Variants in RIPOR1 observed in about 807,000 individuals in gnomAD.
The protein encoded by RIPOR1 is rho family-interacting cell polarization regulator 1.
Under a neutral mutation model 116.5 loss-of-function variants are expected in RIPOR1, and 58 were observed. That is an observed-to-expected ratio of 0.50 (90% CI 0.40 to 0.62). The LOEUF is 0.62. Among genes scored for constraint, RIPOR1 ranks in the 20% least tolerant of loss-of-function variants. The pLI, the probability that RIPOR1 is intolerant of heterozygous loss-of-function variation, is 0.00. For synonymous variants in RIPOR1, 605 were observed against 650.0 expected (o/e 0.93, Z 1.05); for missense variants, 1,372 against 1,586.2 (o/e 0.86, Z 2.29).
In RIPOR1 at chr16:67,543,021, A is replaced by G; in HGVS notation, c.2235A>G (p.Ser745=). ...KPLTSPAPDP[S]ESTVQSLSPT... ...TCACAAGCCCTGCCCCAGATCCCTC[A>G]GAGTCTACGGTTCAGAGTCTAAGCC... Residue 745 remains serine (S), a synonymous_variant, in exon 13 of 22, where the codon TCA becomes TCG. Coordinates refer to ENST00000042381, the MANE Select transcript of RIPOR1 (RefSeq NM_024519.4). This position sits in a 1 kb window ranked among gnomAD's most constrained non-coding sequence, Gnocchi z 4.7. The G allele has an allele frequency of 6.4e-7, 1 of 1,555,292 alleles. No individual in the cohort carries two copies. The highest frequency in any genetic ancestry group is 2.0e-5 in the Admixed American group (1 of 51,280).
intron 1 of RIPOR1, among the ~76,000 whole-genome samples, chr16:67,520,422 A>G (rs2050485434): frequency 8.1e-6 from 1 of 123,014 alleles, no homozygotes; most frequent in Non-Finnish European, 1.5e-5. Flanking sequence ...GGGATGGAAA[A>G]GAGAGAAGAG....
In RIPOR1 at chr16:67,543,818, TCA is replaced by T. The variant is rs2051078676; in HGVS notation, c.2600+350_2600+351del. Reference sequence around the variant, plus strand: ...TGGACCTGCCCTTTAAGGAGCTCTCTCAGTGTCTCGCCGTGCACCCTGGGACC... The same window carrying T: ...TGGACCTGCCCTTTAAGGAGCTCTCTGTGTCTCGCCGTGCACCCTGGGACC... On this transcript the variant is annotated intron_variant, in intron 14 of 21. Coordinates refer to ENST00000042381, the MANE Select transcript of RIPOR1 (RefSeq NM_024519.4). The surrounding 1 kb of genome is among the most constrained non-coding windows in gnomAD (Gnocchi z 4.7). 5.0e-6 allele frequency: 2 copies of T among 400,198 alleles called. No homozygotes were observed. Among genetic ancestry groups the T allele is most frequent in the South Asian group, 2.6e-5 (1 of 38,876 alleles). The allele number at this position is 400,198 out of a possible 1,614,324, so 24.8% of individuals were successfully genotyped here.
At position 67,520,437 on chromosome 16, in the gene RIPOR1, T is replaced by TAAGAGAAGAGAAGAGAAGAG. The variant is rs796162372; in HGVS notation, c.-24+1832_-24+1851dup. ...GGGATGGAAAAGAGAGAAGAGAAGA[T>TAAGAGAAGAGAAGAGAAGAG]AAGAGAAGAGAAGAGAAGAGAAGAG... On this transcript the variant is annotated intron_variant, in intron 1 of 1. Transcript: ENST00000562116. Among the ~76,000 whole-genome samples the TAAGAGAAGAGAAGAGAAGAG allele has an allele frequency of 5.7e-3, 823 of 145,544 alleles. 2 individuals are homozygous for TAAGAGAAGAGAAGAGAAGAG. The highest frequency in any genetic ancestry group is 0.021 in the Middle Eastern group (6 of 284).
At chr16:67,534,820 G>A (rs2050750104) in intron 1 of RIPOR1, among the ~76,000 whole-genome samples, 1 of 149,990 alleles carries the variant, frequency 6.7e-6, no homozygotes, top group South Asian at 2.1e-4. Context: ...ACAGTTTCTA[G>A]GGTTTTCTTT....
In RIPOR1 at chr16:67,538,446, T is replaced by A. The variant is rs1442867046; in HGVS notation, c.-1T>A. 1 of 1,604,062 alleles carries A rather than the reference T, an allele frequency of 6.2e-7. No individual in the cohort carries two copies. Among genetic ancestry groups the A allele is most frequent in the African/African-American group, 1.3e-5 (1 of 74,692 alleles). ...CAGGGAGCCCCGCGCGGACTCACTC[T>A]ATGATGTCCCTGTCGGTGCGGCCGC... On this transcript the variant is annotated 5_prime_UTR_variant, in exon 2 of 22. Coordinates refer to ENST00000042381, the MANE Select transcript of RIPOR1 (RefSeq NM_024519.4).
At chr16:67,518,984 C>A (rs2050470719) in intron 1 of RIPOR1, among the ~76,000 whole-genome samples, 1 of 152,212 alleles carries the variant, frequency 6.6e-6, no homozygotes, top group Admixed American at 6.5e-5. Context: ...GAGGAAAAGG[C>A]ATTCAACTGT....
In RIPOR1 at chr16:67,529,981, G is replaced by C; in HGVS notation, c.-24+1067G>C. 2 of 728,746 alleles carry C rather than the reference G, an allele frequency of 2.7e-6. No homozygotes were observed. Among genetic ancestry groups the C allele is most frequent in the Non-Finnish European group, 4.8e-6 (2 of 414,130 alleles). The allele number at this position is 728,746 out of a possible 1,614,324, so 45.1% of individuals were successfully genotyped here. A position where few individuals can be genotyped will look rare whatever the true frequency, so the allele number is the denominator to read the frequency against. On this transcript the variant is annotated intron_variant, in intron 1 of 21. Transcript: ENST00000042381. This position sits in a 1 kb window ranked among gnomAD's most constrained non-coding sequence, Gnocchi z 4.1. The stretch of plus-strand genomic sequence containing the variant: ...GGGAGGAGAGGAATGATAATTGGGG[G>C]CTGAGGTACAAAATACTCCAGCGGG...
Position 67,529,200 on chromosome 16 carries a change from G to A in RIPOR1, c.-24+286G>A, listed in dbSNP as rs2050589075. 2 of 152,644 alleles carry A rather than the reference G, an allele frequency of 1.3e-5. No homozygotes were observed. Among genetic ancestry groups the A allele is most frequent in the Admixed American group, 6.5e-5 (1 of 15,310 alleles). The allele number at this position is 152,644 out of a possible 1,614,324, so 9.5% of individuals were successfully genotyped here. A position where few individuals can be genotyped will look rare whatever the true frequency, so the allele number is the denominator to read the frequency against. ...GGCGGCCGGTGCCCCGGGGCGCTGGGATGGGCCAGGCCAGAGAGCGGGCTC... is the reference window on the plus strand; with the variant it reads ...GGCGGCCGGTGCCCCGGGGCGCTGGAATGGGCCAGGCCAGAGAGCGGGCTC... On this transcript the variant is annotated intron_variant, in intron 1 of 21. Transcript: ENST00000042381. This position sits in a 1 kb window ranked among gnomAD's most constrained non-coding sequence, Gnocchi z 4.1.
At position 67,543,125 on chromosome 16, in the gene RIPOR1, C is replaced by A. The variant is rs370307377; in HGVS notation, c.2339C>A (p.Thr780Lys). 2 of 1,524,076 alleles carry A rather than the reference C, an allele frequency of 1.3e-6. No individual in the cohort carries two copies. Among genetic ancestry groups the A allele is most frequent in the Non-Finnish European group, 1.8e-6 (2 of 1,138,028 alleles). The allele number at this position is 1,524,076 out of a possible 1,614,324, so 94.4% of individuals were successfully genotyped here. Residue 780 changes from threonine (T) to lysine (K), a missense_variant, in exon 13 of 22, where the codon ACG becomes AAG. This residue lies in a region of RIPOR1 where 1,005 missense variants were observed against 1,144.7 expected (regional missense o/e 0.88). Transcript: ENST00000042381. This position sits in a 1 kb window ranked among gnomAD's most constrained non-coding sequence, Gnocchi z 4.7. The stretch of plus-strand genomic sequence containing the variant: ...ATGGCTGTCCAGACCCCAGTCCCAA[C>A]GGCAGCCGGAGGGTCTGGGGACAGG... ...LAMAVQTPVP[T>K]AAGGSGDRSL...
Position 67,542,530 on chromosome 16 carries a change from C to T in RIPOR1, c.1744C>T (p.Leu582Phe). 1.2e-6 allele frequency: 2 copies of T among 1,613,952 alleles called. No homozygotes were observed. The highest frequency in any genetic ancestry group is 2.2e-5 in the East Asian group (1 of 44,872). ...CACCCACAAGCCCATAATCTCTACCCTTACTACTACAGGCCCTACCCTCAA... is the reference window on the plus strand; with the variant it reads ...CACCCACAAGCCCATAATCTCTACCTTTACTACTACAGGCCCTACCCTCAA... Reference protein sequence around the residue: ...GSTHKPIISTLTTTGPTLNII... With the variant: ...GSTHKPIISTFTTTGPTLNII... The change falls in exon 13 of 22, where the codon CTT becomes TTT. Residue 582 changes from leucine (L) to phenylalanine (F), a missense_variant. By Grantham distance (22) the Leu-to-Phe change is conservative (BLOSUM62 0). This residue lies in a region of RIPOR1 where 1,005 missense variants were observed against 1,144.7 expected (regional missense o/e 0.88). Transcript: ENST00000042381. This position sits in a 1 kb window ranked among gnomAD's most constrained non-coding sequence, Gnocchi z 4.6.
rs2051178890 is a variant in RIPOR1 at position 67,546,639 on chromosome 16, A to G, written c.*176A>G. 5.0e-6 allele frequency: 3 copies of G among 602,520 alleles called. No individual in the cohort carries two copies. Among genetic ancestry groups the G allele is most frequent in the East Asian group, 2.8e-5 (1 of 35,700 alleles). 37.3% of individuals were successfully genotyped at this position (602,520 alleles called of 1,614,324 possible). ...GTTGGAGAGTCAGTGCCTGCAGTCA[A>G]GTGCCTCCCAGCCTCGGCTCAGCAC... On this transcript the variant is annotated 3_prime_UTR_variant, in exon 22 of 22. Transcript: ENST00000042381.
intron 1 of RIPOR1, among the ~76,000 whole-genome samples, chr16:67,535,954 G>A (rs541356032): frequency 2.0e-4 from 30 of 152,226 alleles, no homozygotes; most frequent in Non-Finnish European, 2.4e-4. Context: ...TGAATCTGTC[G>A]GGGGGAGGGG....
Position 67,530,524 on chromosome 16 carries a change from T to C in RIPOR1, c.-24+1610T>C, listed in dbSNP as rs1567561852. 6.6e-6 allele frequency among the ~76,000 whole-genome samples: 1 copy of C among 152,156 alleles called. No individual in the cohort carries two copies. The highest frequency in any genetic ancestry group is 1.5e-5 in the Non-Finnish European group (1 of 68,002). ...CCTTGCCCAGGTTATTTTTAGCCTCTGTTTACCTCGGTCGGGGCGGCCCCG... is the reference window on the plus strand; with the variant it reads ...CCTTGCCCAGGTTATTTTTAGCCTCCGTTTACCTCGGTCGGGGCGGCCCCG... On this transcript the variant is annotated intron_variant, in intron 1 of 21. Transcript: ENST00000042381. The surrounding 1 kb of genome is among the most constrained non-coding windows in gnomAD (Gnocchi z 4.5).
In RIPOR1 at chr16:67,541,262, G is replaced by T. The variant is rs2050973404; in HGVS notation, c.802-168G>T. On this transcript the variant is annotated intron_variant, in intron 10 of 21. Transcript: ENST00000042381. This position sits in a 1 kb window ranked among gnomAD's most constrained non-coding sequence, Gnocchi z 4.6. ...TTTTTTTTTTTTTTTTTGAGACAGA[G>T]TCTTGCCATGTTGCCCAAGCTGGTC... The T allele has an allele frequency of 1.6e-5, 9 of 569,654 alleles. No homozygotes were observed. Among genetic ancestry groups the T allele is most frequent in the Non-Finnish European group, 2.4e-5 (8 of 333,194 alleles). 35.3% of individuals were successfully genotyped at this position (569,654 alleles called of 1,614,324 possible). A position where few individuals can be genotyped will look rare whatever the true frequency, so the allele number is the denominator to read the frequency against.
chr16:67,541,233 ATTTTTTTTTT>A lies in RIPOR1; in HGVS notation c.802-186_802-177del, dbSNP rs565790382. On this transcript the variant is annotated intron_variant, in intron 10 of 21. Transcript: ENST00000042381. This position sits in a 1 kb window ranked among gnomAD's most constrained non-coding sequence, Gnocchi z 4.6. Reference sequence around the variant, plus strand: ...GGTGCACCACCATGCCTGGCTAAAAATTTTTTTTTTTTTTTTTTTTGAGACAGAGTCTTGC... The same window carrying A: ...GGTGCACCACCATGCCTGGCTAAAAATTTTTTTTTTGAGACAGAGTCTTGC... The A allele has an allele frequency of 2.8e-3, 1,119 of 404,998 alleles. 7 individuals carry two copies. Among genetic ancestry groups the A allele is most frequent in the African/African-American group, 0.022 (981 of 44,656 alleles). The allele number at this position is 404,998 out of a possible 1,614,324, so 25.1% of individuals were successfully genotyped here.
At chr16:67,525,709 A>C (rs2050534559), upstream of RIPOR1, among the ~76,000 whole-genome samples, 2 of 152,078 alleles carry the variant, frequency 1.3e-5, no homozygotes, top group Admixed American at 1.3e-4. Flanking sequence ...CCCAGTGGTT[A>C]GAAGTGCTCA....
At chr16:67,528,528 G>C (rs2050568624), upstream of RIPOR1, 1 of 152,408 alleles carries the variant, frequency 6.6e-6, no homozygotes, top group African/African-American at 2.4e-5. Context: ...TCACGGACAG[G>C]GGGCCCGCAA....
Position 67,542,641 on chromosome 16 carries a change from TCCACAAGCCCCACCCATACCC to T in RIPOR1, c.1863_1883del (p.Thr625_His631del), listed in dbSNP as rs1271540217. On this transcript the variant is annotated inframe_deletion, in exon 13 of 22. Coordinates refer to ENST00000042381, the MANE Select transcript of RIPOR1 (RefSeq NM_024519.4). This position sits in a 1 kb window ranked among gnomAD's most constrained non-coding sequence, Gnocchi z 4.6. ...TACCACAGCAAGCCCCACTCATACTTCCACAAGCCCCACCCATACCCCCACAAGTCCCACCCACAAAACCAG... is the reference window on the plus strand; with the variant it reads ...TACCACAGCAAGCCCCACTCATACTTCCACAAGTCCCACCCACAAAACCAG... 3.1e-6 allele frequency: 5 copies of T among 1,609,840 alleles called. No individual in the cohort carries two copies. The highest frequency in any genetic ancestry group is 1.4e-5 in the African/African-American group (1 of 73,472).
rs559556912 is a variant in RIPOR1 at position 67,534,726 on chromosome 16, T to G, written c.-23-3698T>G. Among the ~76,000 whole-genome samples, 3 of 152,258 alleles carry G rather than the reference T, an allele frequency of 2.0e-5. No individual in the cohort carries two copies. In the East Asian group the frequency reaches 5.8e-4, roughly 29 times the overall value. On this transcript the variant is annotated intron_variant, in intron 1 of 21. Transcript: ENST00000042381. ...GTCCTCTCTTGGGTTTGCTCTCAGA[T>G]CCACCCATATTGTTGCATGTCACTG...
Sources: gnomAD v4.1 joint callset for allele counts (sites outside exome capture counted in the v4.1 genomes callset) on GRCh38, gnomAD v4.1.1 for gene constraint, gnomAD v4.1.1 regional missense constraint, Gnocchi (gnomAD v3.1) non-coding constraint, MANE v1.5 for transcripts, NCBI Gene and HGNC (gene_info 2026-07-23, HGNC 2026-07-21) for gene names.